The following FNBP4 variants were observed in gnomAD, a reference collection of about 807,000 sequenced individuals.
FNBP4 encodes formin-binding protein 4.
FNBP4 carries 34 observed loss-of-function variants against 119.3 expected under a neutral mutation model. That is an observed-to-expected ratio of 0.28 (90% CI 0.22 to 0.38). The LOEUF (loss-of-function observed/expected upper bound fraction) is 0.38, where lower values mean the gene tolerates loss of function less well. Among genes scored for constraint, FNBP4 ranks in the 10% least tolerant of loss-of-function variants. The pLI, the probability that FNBP4 is intolerant of heterozygous loss-of-function variation, is 1.00. For missense variants in FNBP4, 1,112 were observed against 1,228.9 expected (o/e 0.90, Z 1.42); for synonymous variants, 462 against 430.6 (o/e 1.07, Z -0.90).
At position 47,736,599 on chromosome 11, in the gene FNBP4, TTAAG is replaced by T; in HGVS notation, c.1581+13_1581+16del. On this transcript the variant is annotated intron_variant, in intron 9 of 16. Coordinates refer to ENST00000263773, the MANE Select transcript of FNBP4 (RefSeq NM_015308.5). ...AATAATAAAAATTTGTCAAGTTGCA[TTAAG>T]TAATATACATACTTTCAAATCCTGT... is the stretch of plus-strand genomic sequence containing the variant. 2 of 1,554,292 alleles carry T rather than the reference TTAAG, an allele frequency of 1.3e-6. No individual in the cohort carries two copies. Among genetic ancestry groups the T allele is most frequent in the Non-Finnish European group, 1.7e-6 (2 of 1,147,400 alleles).
At chr11:47,754,882 C>T (rs1490871139) in intron 2 of FNBP4, among the ~76,000 whole-genome samples, 7 of 152,086 alleles carry the variant, frequency 4.6e-5, no homozygotes, top group African/African-American at 1.4e-4. Context: ...TGGCTCAACG[C>T]CTGTAATCCC....
chr11:47,726,893 T>A (rs938590392), intron 12 of FNBP4: 21 of 152,320 alleles, frequency 1.4e-4, no homozygotes, highest in Admixed American at 9.8e-4. Flanking sequence ...TTCTTTTTTT[T>A]AAAAGGCTAG....
chr11:47,745,985 G>T, intron 7 of FNBP4, 71 bp downstream of exon 7: 1 of 1,294,634 alleles, frequency 7.7e-7, no homozygotes, highest in African/African-American at 1.5e-5. Context: ...ATGGTTGTAA[G>T]TCAAGCACAA....
Position 47,765,330 on chromosome 11 carries a change from C to A in FNBP4, c.253G>T (p.Val85Phe). The A allele has an allele frequency of 6.2e-7, 1 of 1,609,488 alleles. No individual in the cohort carries two copies. Among genetic ancestry groups the A allele is most frequent in the Non-Finnish European group, 8.5e-7 (1 of 1,178,032 alleles). Residue 85 changes from valine to phenylalanine, a missense_variant, in exon 2 of 17, where the codon GTT (valine) becomes TTT (phenylalanine). Physicochemically the swap from Val to Phe is conservative, Grantham distance 50 (BLOSUM62 -1). Coordinates refer to ENST00000263773, the MANE Select transcript of FNBP4 (RefSeq NM_015308.5). Reference sequence around the variant, plus strand: ...ACTGGTTTTGGAGGATTCTGAACAACTCTAGGAACCTCCTGCACCGCTTCC... The same window carrying A: ...ACTGGTTTTGGAGGATTCTGAACAAATCTAGGAACCTCCTGCACCGCTTCC... Reference protein sequence around the residue: ...EQEAVQEVPRVVQNPPKPVMT... With the variant: ...EQEAVQEVPRFVQNPPKPVMT...
Position 47,751,252 on chromosome 11 carries a change from C to T in FNBP4, c.676G>A (p.Glu226Lys). ...EMGDWQEVWD[E>K]NTGCYYYWNT... ...CAATAATAATAACATCCCGTGTTCT[C>T]ATCCCAGACTTCCTGCCAATCGCCC... Residue 226 changes from glutamate (E) to lysine (K), a missense_variant, in exon 5 of 17, where the codon GAG (glutamate) becomes AAG (lysine). Transcript: ENST00000263773. 1 of 1,614,104 alleles carries T rather than the reference C, an allele frequency of 6.2e-7. No homozygotes were observed. Among genetic ancestry groups the T allele is most frequent in the South Asian group, 1.1e-5 (1 of 91,080 alleles).
intron 8 of FNBP4, among the ~76,000 whole-genome samples, chr11:47,741,585 A>G (rs990122084): frequency 2.0e-5 from 3 of 151,666 alleles, no homozygotes; most frequent in Non-Finnish European, 4.4e-5. Flanking sequence ...TGGGAGGCTG[A>G]GGCGGGTGGA....
chr11:47,741,359 A>G lies in FNBP4; in HGVS notation c.1456+2594T>C, dbSNP rs370831272. Among the ~76,000 whole-genome samples the G allele has an allele frequency of 2.4e-4, 37 of 151,524 alleles. No individual in the cohort carries two copies. The South Asian group carries it at 7.7e-3, about 32-fold the overall frequency. On this transcript the variant is annotated intron_variant, in intron 8 of 16. Transcript: ENST00000263773. ...AATTTTTAAAAAACATTTTAGAGACAGTGTCTTGCTATATTGTCCAGGCTG... is the reference window on the plus strand; with the variant it reads ...AATTTTTAAAAAACATTTTAGAGACGGTGTCTTGCTATATTGTCCAGGCTG...
intron 6 of FNBP4, among the ~76,000 whole-genome samples, chr11:47,748,875 A>G (rs1407724175): frequency 6.6e-6 from 1 of 151,996 alleles, no homozygotes; most frequent in Non-Finnish European, 1.5e-5. Flanking sequence ...TTGAACTCCT[A>G]ACCTCAAGTG....
chr11:47,759,102 T>A (rs2097626987), intron 2 of FNBP4, among the ~76,000 whole-genome samples: 1 of 151,952 alleles, frequency 6.6e-6, no homozygotes, highest in Non-Finnish European at 1.5e-5. Flanking sequence ...GTACTTTTAG[T>A]AGAGACGGGG....
Position 47,750,954 on chromosome 11 carries a change from T to C in FNBP4, c.868A>G (p.Lys290Glu). The C allele has an allele frequency of 1.9e-6, 3 of 1,614,082 alleles. No homozygotes were observed. Among genetic ancestry groups the C allele is most frequent in the African/African-American group, 2.7e-5 (2 of 75,028 alleles). ...CGCTTGGCTATGACTGGTCCACTTT[T>C]ACTACTGGAAACAGAAATCGTTTTC... ...KEKTISVSSS[K>E]SGPVIAKREV... is the part of the protein sequence containing the mutation. Residue 290 changes from lysine (K) to glutamate (E), a missense_variant, in exon 6 of 17, where the codon AAA becomes GAA. Lys to Glu is a moderately conservative substitution (Grantham distance 56). Around this residue, in one of 2 missense-constraint regions of FNBP4, gnomAD observed 826 missense variants for 988.8 expected, o/e 0.84. Transcript: ENST00000263773.
intron 6 of FNBP4, 99 bp downstream of exon 6, chr11:47,750,817 G>A (rs2097601569): frequency 4.1e-6 from 5 of 1,223,190 alleles, no homozygotes; most frequent in Non-Finnish European, 5.7e-6. Flanking sequence ...TATTTCACAT[G>A]TATGACATAA....
intron 8 of FNBP4, among the ~76,000 whole-genome samples, chr11:47,743,423 C>T (rs1400446686): frequency 6.6e-6 from 1 of 151,946 alleles, no homozygotes; most frequent in Non-Finnish European, 1.5e-5. Context: ...GCGGAGGTTG[C>T]AGTGAGCCAA....
intron 8 of FNBP4, among the ~76,000 whole-genome samples, chr11:47,739,927 C>A (rs780390374): frequency 5.3e-5 from 8 of 149,936 alleles, no homozygotes; most frequent in Non-Finnish European, 1.0e-4. Flanking sequence ...TACAGGCATG[C>A]GCCACCACGC....
At chr11:47,767,015 G>C in intron 1 of FNBP4, 54 bp downstream of exon 1, 2 of 1,495,560 alleles carry the variant, frequency 1.3e-6, no homozygotes, top group Non-Finnish European at 1.8e-6. Flanking sequence ...GCGCCGTGAG[G>C]AGCCTAGGCC....
chr11:47,742,886 G>A lies in FNBP4; in HGVS notation c.1456+1067C>T, dbSNP rs562324036. 7.9e-5 allele frequency among the ~76,000 whole-genome samples: 12 copies of A among 151,938 alleles called. 1 individual carries two copies. The highest frequency in any genetic ancestry group is 3.9e-4 in the East Asian group (2 of 5,180). On this transcript the variant is annotated intron_variant, in intron 8 of 16. Coordinates refer to ENST00000263773, the MANE Select transcript of FNBP4 (RefSeq NM_015308.5). The stretch of plus-strand genomic sequence containing the variant: ...GCCTGGGCAACAAGAGTGAAACTCC[G>A]TCTCAAAAAATATAAATAAAAAGAA...
intron 12 of FNBP4, chr11:47,729,278 C>A: frequency 1.0e-6 from 1 of 985,254 alleles, no homozygotes; most frequent in Non-Finnish European, 1.2e-6. Flanking sequence ...ACAAATTGTT[C>A]CATGGAGATT....
At chr11:47,762,281 G>T (rs996000348) in intron 2 of FNBP4, among the ~76,000 whole-genome samples, 10 of 151,886 alleles carry the variant, frequency 6.6e-5, no homozygotes, top group Non-Finnish European at 1.2e-4. Context: ...ACAGGTGCGT[G>T]CCACCATACC....
intron 9 of FNBP4, among the ~76,000 whole-genome samples, chr11:47,735,522 AG>A (rs2097572813): frequency 6.6e-6 from 1 of 152,238 alleles, no homozygotes; most frequent in African/African-American, 2.4e-5. Flanking sequence ...TGTAAAGACA[AG>A]TATTTCACAC....
At chr11:47,718,156 T>A (rs139527619) in intron 16 of FNBP4, among the ~76,000 whole-genome samples, 26 of 152,240 alleles carry the variant, frequency 1.7e-4, no homozygotes, top group African/African-American at 5.8e-4. Context: ...GGAGTTATGA[T>A]TCTTCAGGGC....
Sources: allele counts gnomAD v4.1 joint callset (sites outside exome capture counted in the v4.1 genomes callset), GRCh38; gene constraint gnomAD v4.1.1; regional missense constraint gnomAD v4.1.1; transcripts MANE v1.5; gene names NCBI Gene and HGNC (gene_info 2026-07-23, HGNC 2026-07-21).